NDUFV2: variants seen among roughly 807,000 people sequenced by gnomAD.
The protein encoded by NDUFV2 is NADH dehydrogenase [ubiquinone] flavoprotein 2, mitochondrial.
A neutral mutation model predicts 31.6 loss-of-function variants in NDUFV2; 18 were observed. The observed-to-expected ratio is 0.57, with a 90% confidence interval of 0.39 to 0.84. The LOEUF (loss-of-function observed/expected upper bound fraction) is 0.84. NDUFV2 is among the 40% of genes least tolerant of loss of function. NDUFV2 has a pLI of 0.00. For missense variants in NDUFV2, 314 were observed against 303.6 expected (o/e 1.03, Z -0.26); for synonymous variants, 83 against 99.8 (o/e 0.83, Z 1.01).
chr18:9,121,771 G>C (rs1449665643), intron 4 of NDUFV2, among the ~76,000 whole-genome samples: 2 of 152,150 alleles, frequency 1.3e-5, no homozygotes, highest in African/African-American at 4.8e-5. Context: ...AAAAGATGCT[G>C]AGTTAGTGAT....
At chr18:9,115,522 C>T (rs1487309437) in intron 1 of NDUFV2, 1 of 152,022 alleles carries the variant, frequency 6.6e-6, no homozygotes, top group Non-Finnish European at 1.5e-5. Context: ...TCATTTTGTA[C>T]TGCAGGAAAA....
intron 1 of NDUFV2, among the ~76,000 whole-genome samples, chr18:9,104,529 TTTG>T (rs2077831698): frequency 6.6e-6 from 1 of 152,178 alleles, no homozygotes; most frequent in African/African-American, 2.4e-5. Context: ...GCTTGTAGAT[TTTG>T]TTTCTTTTGT....
chr18:9,104,208 C>T (rs1158669768), intron 1 of NDUFV2: 2 of 1,612,454 alleles, frequency 1.2e-6, no homozygotes, highest in Non-Finnish European at 1.7e-6. Context: ...TATGAGAAGC[C>T]ACCCTCTGCT....
intron 6 of NDUFV2, among the ~76,000 whole-genome samples, chr18:9,125,840 C>T (rs563051973): frequency 6.6e-6 from 1 of 152,252 alleles, no homozygotes; most frequent in East Asian, 1.9e-4. Context: ...ATACCCTAGG[C>T]CTCTGTTCCT....
At chr18:9,110,699 G>C (rs1177807450) in intron 1 of NDUFV2, among the ~76,000 whole-genome samples, 1 of 152,110 alleles carries the variant, frequency 6.6e-6, no homozygotes, top group Non-Finnish European at 1.5e-5. Context: ...GTAGAGACAG[G>C]GTTTCACCAT....
intron 1 of NDUFV2, chr18:9,103,421 A>C (rs140131400): frequency 3.6e-4 from 115 of 316,692 alleles, no homozygotes; most frequent in African/African-American, 2.2e-3. Context: ...TTGAGATCCA[A>C]GTACATCTCA....
chr18:9,119,822 A>T (rs73390107), intron 4 of NDUFV2, among the ~76,000 whole-genome samples: 26 of 151,660 alleles, frequency 1.7e-4, no homozygotes, highest in Non-Finnish European at 3.4e-4. Flanking sequence ...GAAAGAGGGT[A>T]TGTGTTTTTT....
chr18:9,106,792 C>T (rs1222877503), intron 1 of NDUFV2, among the ~76,000 whole-genome samples: 2 of 152,142 alleles, frequency 1.3e-5, no homozygotes, highest in Non-Finnish European at 2.9e-5. Context: ...TTTTTGGAGG[C>T]TCTAGAGGTG....
At chr18:9,113,414 C>T (rs1224123270) in intron 1 of NDUFV2, among the ~76,000 whole-genome samples, 3 of 152,150 alleles carry the variant, frequency 2.0e-5, no homozygotes, top group African/African-American at 7.2e-5. Context: ...AATTTTACCC[C>T]ATTTGTAAGC....
chr18:9,103,914 C>T lies in NDUFV2; in HGVS notation c.54+1117C>T, dbSNP rs2077827939. 10 of 448,988 alleles carry T rather than the reference C, an allele frequency of 2.2e-5. No homozygotes were observed. The East Asian group carries it at 3.7e-4, about 16-fold the overall frequency. The allele number at this position is 448,988 out of a possible 1,614,324, so 27.8% of individuals were successfully genotyped here. A position where few individuals can be genotyped will look rare whatever the true frequency, so the allele number is the denominator to read the frequency against. Reference sequence around the variant, plus strand: ...CGAGTTAAATATCTACATTCCACATCTCATTTTTGAGGCTGGTATTACTTT... The same window carrying T: ...CGAGTTAAATATCTACATTCCACATTTCATTTTTGAGGCTGGTATTACTTT... On this transcript the variant is annotated intron_variant, in intron 1 of 7. Transcript: ENST00000318388.
chr18:9,117,823 A>G lies in NDUFV2; in HGVS notation c.55-15A>G. ...GCTATGATTTACTAAACTTTCTTAA[A>G]ATTTTAAATTTTAGGGAAGACATGT... On this transcript the variant is annotated splice_polypyrimidine_tract_variant and intron_variant, in intron 1 of 7. Transcript: ENST00000318388. The G allele has an allele frequency of 2.8e-6, 4 of 1,448,638 alleles. No individual in the cohort carries two copies. The highest frequency in any genetic ancestry group is 3.9e-6 in the Non-Finnish European group (4 of 1,030,576). The allele number at this position is 1,448,638 out of a possible 1,614,324, so 89.7% of individuals were successfully genotyped here.
intron 1 of NDUFV2, chr18:9,104,136 C>T: frequency 1.2e-6 from 2 of 1,612,076 alleles, no homozygotes; most frequent in Non-Finnish European, 1.7e-6. Context: ...GCATGGGGTC[C>T]GAGGGTATTC....
intron 5 of NDUFV2, among the ~76,000 whole-genome samples, chr18:9,124,449 T>TC (rs1416425758): frequency 2.8e-5 from 4 of 140,756 alleles, no homozygotes; most frequent in Non-Finnish European, 6.2e-5. Context: ...TTAAAAAACT[T>TC]TTTTTTTTTT....
chr18:9,117,141 A>G (rs1406193816), intron 1 of NDUFV2, among the ~76,000 whole-genome samples: 5 of 151,462 alleles, frequency 3.3e-5, no homozygotes, highest in Non-Finnish European at 7.4e-5. Context: ...GGTTCAGGCG[A>G]TTCTCCTGCC....
At chr18:9,121,049 GC>G (rs913032708) in intron 4 of NDUFV2, among the ~76,000 whole-genome samples, 1 of 152,062 alleles carries the variant, frequency 6.6e-6, no homozygotes, top group Non-Finnish European at 1.5e-5. Context: ...CTTAAGACCA[GC>G]CTGGGCAAGA....
chr18:9,122,447 C>A, intron 4 of NDUFV2, 66 bp from the exon 5 acceptor site: 2 of 1,365,128 alleles, frequency 1.5e-6, no homozygotes, highest in South Asian at 1.2e-5. Flanking sequence ...ATACTTTGTA[C>A]AACATAATTA....
At chr18:9,121,496 G>C (rs1343896600) in intron 4 of NDUFV2, 2 of 152,214 alleles carry the variant, frequency 1.3e-5, no homozygotes, top group Non-Finnish European at 2.9e-5. Context: ...TCTGTCACAA[G>C]TGAGCCATGA....
chr18:9,117,911 A>G lies in NDUFV2; in HGVS notation c.120+8A>G, dbSNP rs755615699. 8 of 1,565,472 alleles carry G rather than the reference A, an allele frequency of 5.1e-6. No homozygotes were observed. Among genetic ancestry groups the G allele is most frequent in the Non-Finnish European group, 5.3e-6 (6 of 1,135,922 alleles). On this transcript the variant is annotated splice_region_variant and intron_variant, in intron 2 of 7. Coordinates refer to ENST00000318388, the MANE Select transcript of NDUFV2 (RefSeq NM_021074.5). ...GGAGGAGCTTTATTTGTGGTAAGTA[A>G]TTACTTAGATTTCTTTGGAAAGAAA...
At chr18:9,108,327 GTCC>G (rs2077851857) in intron 1 of NDUFV2, among the ~76,000 whole-genome samples, 1 of 152,174 alleles carries the variant, frequency 6.6e-6, no homozygotes, top group Non-Finnish European at 1.5e-5. Context: ...GTTTGTAAAA[GTCC>G]TCCTATTTCT....
Sources: gnomAD v4.1 joint callset for allele counts (sites outside exome capture counted in the v4.1 genomes callset) on GRCh38, gnomAD v4.1.1 for gene constraint, MANE v1.5 for transcripts, NCBI Gene and HGNC (gene_info 2026-07-23, HGNC 2026-07-21) for gene names.